Variants in SRRM3 observed in about 807,000 individuals in gnomAD.
The protein encoded by SRRM3 is serine/arginine repetitive matrix 3.
Under a neutral mutation model 66.2 loss-of-function variants are expected in SRRM3, and 27 were observed. That is an observed-to-expected ratio of 0.41 (90% confidence interval 0.30 to 0.56). The LOEUF (loss-of-function observed/expected upper bound fraction) is 0.56. Among genes scored for constraint, SRRM3 ranks in the 20% least tolerant of loss-of-function variants. SRRM3 has a pLI of 0.32. For synonymous variants in SRRM3, 391 were observed against 414.9 expected, an observed-to-expected ratio of 0.94 and a Z score of 0.70; for missense variants, 918 against 991.9, an observed-to-expected ratio of 0.93 and a Z score of 1.00.
At chr7:76,228,968 T>G (rs927751220) in intron 1 of SRRM3, among the ~76,000 whole-genome samples, 1 of 150,840 alleles carries the variant, frequency 6.6e-6, no homozygotes, top group Non-Finnish European at 1.5e-5. Context: ...GCATGATCTC[T>G]GCTCACTGCA....
chr7:76,259,072 T>G (rs1386349730), intron 3 of SRRM3, among the ~76,000 whole-genome samples: 13 of 138,044 alleles, frequency 9.4e-5, no homozygotes, highest in Admixed American at 1.5e-4. Flanking sequence ...GACAACGGAG[T>G]GAGACTGAAA....
intron 10 of SRRM3, among the ~76,000 whole-genome samples, chr7:76,267,031 G>A (rs1255938037): frequency 6.6e-6 from 1 of 152,136 alleles, no homozygotes; most frequent in Admixed American, 6.5e-5. Flanking sequence ...AGGAAGAGCT[G>A]CCCTAAGGCC....
intron 9 of SRRM3, 129 bp downstream of exon 9, chr7:76,264,944 C>G (rs1343998509): frequency 9.3e-7 from 1 of 1,072,368 alleles, no homozygotes; most frequent in Non-Finnish European, 1.3e-6. Flanking sequence ...AAATTAAGAT[C>G]TAGAAAGAAA....
At chr7:76,235,616 A>C (rs1304717317) in intron 2 of SRRM3, among the ~76,000 whole-genome samples, 1 of 152,154 alleles carries the variant, frequency 6.6e-6, no homozygotes, top group East Asian at 1.9e-4. Context: ...CTGTGATTCC[A>C]GCACTTTGAA....
At chr7:76,204,350 C>A (rs1328007440) in intron 1 of SRRM3, among the ~76,000 whole-genome samples, 1 of 152,202 alleles carries the variant, frequency 6.6e-6, no homozygotes, top group Non-Finnish European at 1.5e-5. Flanking sequence ...ATACACTGAG[C>A]CTCTGCCCAT....
chr7:76,265,209 G>A (rs1355861852), intron 9 of SRRM3, among the ~76,000 whole-genome samples, 155 bp from the exon 10 acceptor site: 1 of 152,080 alleles, frequency 6.6e-6, no homozygotes, highest in Non-Finnish European at 1.5e-5. Context: ...CAACACTGCT[G>A]ATGTACCTTT....
At chr7:76,225,756 G>A (rs986023840) in intron 1 of SRRM3, among the ~76,000 whole-genome samples, 1 of 152,098 alleles carries the variant, frequency 6.6e-6, no homozygotes, top group Admixed American at 6.6e-5. Flanking sequence ...TGCCTTTTAC[G>A]AGACATTCAT....
intron 1 of SRRM3, among the ~76,000 whole-genome samples, chr7:76,223,228 C>T (rs782718353): frequency 1.1e-4 from 16 of 152,148 alleles, no homozygotes; most frequent in Non-Finnish European, 2.1e-4. Flanking sequence ...ATGACCCAAC[C>T]CTGAAGTTGA....
In SRRM3 at chr7:76,259,997, T is replaced by C. The variant is rs1381197625; in HGVS notation, c.427T>C (p.Cys143Arg). 4 of 1,592,190 alleles carry C rather than the reference T, an allele frequency of 2.5e-6. No homozygotes were observed. Among genetic ancestry groups the C allele is most frequent in the Non-Finnish European group, 2.6e-6 (3 of 1,174,944 alleles). Reference sequence around the variant, plus strand: ...TGACGACGGCCCAGTGGACTGTGACTGCCCGGCCTCCTGCTACCGCGGCCA... The same window carrying C: ...TGACGACGGCCCAGTGGACTGTGACCGCCCGGCCTCCTGCTACCGCGGCCA... ...DDDDGPVDCDCPASCYRGHRG... is the reference protein window; with the variant it reads ...DDDDGPVDCDRPASCYRGHRG... The change falls in exon 4 of 15, where the codon TGC becomes CGC. Residue 143 changes from cysteine (C) to arginine (R), a missense_variant. Coordinates refer to ENST00000611745, the MANE Select transcript of SRRM3 (RefSeq NM_001110199.3).
chr7:76,269,613 G>A (rs1369480676), intron 11 of SRRM3: 1 of 152,034 alleles, frequency 6.6e-6, no homozygotes, highest in Admixed American at 6.5e-5. Context: ...TTTTAACCCC[G>A]TCTATGTTTT....
rs1554612204 is a variant in SRRM3 at position 76,282,879 on chromosome 7, G to A, written c.1595+7G>A. The A allele has an allele frequency of 5.1e-6, 7 of 1,381,162 alleles. No homozygotes were observed. The highest frequency in any genetic ancestry group is 6.5e-6 in the Non-Finnish European group (7 of 1,071,720). The allele number at this position is 1,381,162 out of a possible 1,614,324, so 85.6% of individuals were successfully genotyped here. ...CCAAGAAGCCCCTCAGCCGGTGAGTGCCCGCCCGGACCGGGCCGACGGGGC... is the reference window on the plus strand; with the variant it reads ...CCAAGAAGCCCCTCAGCCGGTGAGTACCCGCCCGGACCGGGCCGACGGGGC... On this transcript the variant is annotated splice_region_variant and intron_variant, in intron 13 of 14. Transcript: ENST00000611745.
intron 2 of SRRM3, among the ~76,000 whole-genome samples, chr7:76,247,906 G>C (rs1159412308): frequency 6.6e-6 from 1 of 152,134 alleles, no homozygotes; most frequent in Non-Finnish European, 1.5e-5. Flanking sequence ...TGTTGGCCAG[G>C]CTGGTTTCGC....
intron 11 of SRRM3, among the ~76,000 whole-genome samples, chr7:76,272,398 C>CA (rs5884990): frequency 0.38 from 56,880 of 150,804 alleles, 12,957 homozygotes; most frequent in Middle Eastern, 0.53. Flanking sequence ...CCTATCTCTA[C>CA]AAAAAAAAAA....
chr7:76,276,192 C>T (rs1261989078), intron 11 of SRRM3, among the ~76,000 whole-genome samples: 2 of 152,178 alleles, frequency 1.3e-5, no homozygotes, highest in Non-Finnish European at 2.9e-5. Context: ...CAGGCGAGGT[C>T]CCTGATTCAC....
At chr7:76,278,988 C>G (rs185911664) in intron 11 of SRRM3, among the ~76,000 whole-genome samples, 2 of 152,274 alleles carry the variant, frequency 1.3e-5, no homozygotes, top group Non-Finnish European at 2.9e-5. Flanking sequence ...CTCGGTGGCT[C>G]TCGCCTGTAA....
Position 76,248,263 on chromosome 7 carries a change from C to T in SRRM3, c.309C>T (p.Thr103=). Residue 103 remains threonine (T), a synonymous_variant, in exon 3 of 15, where the codon ACC becomes ACT. Transcript: ENST00000611745. ...QMLMEKEGVL[T]REDRPGGHIV... The stretch of plus-strand genomic sequence containing the variant: ...TGATGGAGAAGGAGGGAGTGCTCAC[C>T]AGGGAGGACCGGCCTGGGGGCCACA... 6 of 1,613,764 alleles carry T rather than the reference C, an allele frequency of 3.7e-6. No individual in the cohort carries two copies. Among genetic ancestry groups the T allele is most frequent in the Non-Finnish European group, 5.1e-6 (6 of 1,179,794 alleles).
chr7:76,277,653 G>A (rs782600296), intron 11 of SRRM3, among the ~76,000 whole-genome samples: 6 of 149,370 alleles, frequency 4.0e-5, no homozygotes, highest in South Asian at 2.1e-4. Flanking sequence ...AGCCAAGATC[G>A]TGCCATTGCA....
intron 8 of SRRM3, among the ~76,000 whole-genome samples, chr7:76,263,465 G>T (rs1554609036): frequency 6.6e-6 from 1 of 152,206 alleles, no homozygotes; most frequent in Non-Finnish European, 1.5e-5. Context: ...GAGGGTGCTG[G>T]GTTGGGGGGC....
intron 1 of SRRM3, among the ~76,000 whole-genome samples, chr7:76,218,950 G>T (rs998269139): frequency 6.6e-6 from 1 of 152,038 alleles, no homozygotes; most frequent in African/African-American, 2.4e-5. Flanking sequence ...TGCCTCCCAG[G>T]TTCAAGCAAT....
Sources: gnomAD v4.1 joint callset for allele counts (sites outside exome capture counted in the v4.1 genomes callset) on GRCh38, gnomAD v4.1.1 for gene constraint, MANE v1.5 for transcripts, NCBI Gene and HGNC (gene_info 2026-07-23, HGNC 2026-07-21) for gene names.